The following KCTD1 variants were observed in gnomAD, a reference collection of about 807,000 sequenced individuals.
The protein encoded by KCTD1 is potassium channel tetramerization domain containing 1.
Under a neutral mutation model 66.0 loss-of-function variants are expected in KCTD1, and 24 were observed. The ratio of observed to expected loss-of-function variants is 0.36; its 90% CI spans 0.26 to 0.51. The LOEUF is 0.51. Ranked by LOEUF, KCTD1 falls within the 20% of genes least tolerant of loss-of-function variation. The pLI is 0.95. For synonymous variants in KCTD1, 511 were observed against 517.2 expected (o/e 0.99, Z 0.16); for missense variants, 943 against 1,205.2 (o/e 0.78, Z 3.22).
Position 26,455,430 on chromosome 18 carries a change from C to T in KCTD1, c.*313G>A, listed in dbSNP as rs928446916. 12 of 166,614 alleles carry T rather than the reference C, an allele frequency of 7.2e-5. No homozygotes were observed. The highest frequency in any genetic ancestry group is 1.4e-4 in the Non-Finnish European group (11 of 78,990). The allele number at this position is 166,614 out of a possible 1,614,324, so 10.3% of individuals were successfully genotyped here. On this transcript the variant is annotated 3_prime_UTR_variant, in exon 5 of 5. Coordinates refer to ENST00000580059, the MANE Select transcript of KCTD1 (RefSeq NM_001142730.3). Reference sequence around the variant, plus strand: ...CATGGCTTGTTTATTTGTCAGAGGCCTCGGAAGGCCCAGGACACTTCACGG... The same window carrying T: ...CATGGCTTGTTTATTTGTCAGAGGCTTCGGAAGGCCCAGGACACTTCACGG...
chr18:26,601,261 G>A (rs528768492), intron 1 of KCTD1, among the ~76,000 whole-genome samples: 3 of 136,240 alleles, frequency 2.2e-5, no homozygotes, highest in African/African-American at 8.1e-5. Flanking sequence ...AATATTTGGA[G>A]AGATTGTGTG....
At chr18:26,611,312 A>T (rs965516356) in intron 1 of KCTD1, among the ~76,000 whole-genome samples, 1 of 151,440 alleles carries the variant, frequency 6.6e-6, no homozygotes, top group Non-Finnish European at 1.5e-5. Flanking sequence ...GACATATGGA[A>T]TACAATTATA....
chr18:26,511,925 G>A (rs1381444795), intron 1 of KCTD1, among the ~76,000 whole-genome samples: 1 of 152,138 alleles, frequency 6.6e-6, no homozygotes, highest in Admixed American at 6.5e-5. Flanking sequence ...CAGAGAATTG[G>A]CACTTTATTC....
At chr18:26,588,278 A>AAAAG (rs980257349) in intron 1 of KCTD1, among the ~76,000 whole-genome samples, 1 of 126,288 alleles carries the variant, frequency 7.9e-6, no homozygotes, top group Non-Finnish European at 1.7e-5. Context: ...CTGTAGAAAG[A>AAAAG]AAAGAAAGAA....
At chr18:26,631,231 TC>T (rs1330595637), upstream of KCTD1, among the ~76,000 whole-genome samples, 8 of 152,232 alleles carry the variant, frequency 5.3e-5, no homozygotes, top group Non-Finnish European at 1.2e-4. Context: ...ATCATTACAT[TC>T]ATGTATCACT....
At chr18:26,508,060 G>T (rs1172528885) in intron 1 of KCTD1, among the ~76,000 whole-genome samples, 1 of 152,130 alleles carries the variant, frequency 6.6e-6, no homozygotes, top group Non-Finnish European at 1.5e-5. Flanking sequence ...AAATTTCTGT[G>T]AAATAACACT....
intron 1 of KCTD1, among the ~76,000 whole-genome samples, chr18:26,541,186 C>G (rs1984956997): frequency 6.6e-6 from 1 of 152,116 alleles, no homozygotes; most frequent in Admixed American, 6.5e-5. Context: ...CTGCAGCCCA[C>G]AGGATTAAAC....
intron 1 of KCTD1, among the ~76,000 whole-genome samples, chr18:26,622,909 T>C (rs1987418476): frequency 6.6e-6 from 1 of 152,196 alleles, no homozygotes; most frequent in South Asian, 2.1e-4. Context: ...CATACAGCAT[T>C]CTTCAGGCCA....
chr18:26,521,276 T>C (rs1380215286), intron 1 of KCTD1, among the ~76,000 whole-genome samples: 1 of 152,216 alleles, frequency 6.6e-6, no homozygotes, highest in Admixed American at 6.5e-5. Context: ...TTCTCAACCC[T>C]TGACATCACT....
intron 1 of KCTD1, among the ~76,000 whole-genome samples, chr18:26,523,710 T>C (rs1363804896): frequency 1.3e-5 from 2 of 152,262 alleles, no homozygotes; most frequent in African/African-American, 4.8e-5. Context: ...TGTGGTTTTC[T>C]GAGAATCTTA....
chr18:26,548,624 G>A (rs1349891712), upstream of KCTD1: 38 of 1,163,888 alleles, frequency 3.3e-5, no homozygotes, highest in East Asian at 1.5e-4. Flanking sequence ...ATGACCTTCA[G>A]CTACCGGGAG....
chr18:26,465,816 C>G (rs1451832878), intron 3 of KCTD1, among the ~76,000 whole-genome samples: 1 of 152,088 alleles, frequency 6.6e-6, no homozygotes, highest in African/African-American at 2.4e-5. Flanking sequence ...GAGATGGTGC[C>G]GGGGTGGGGC....
At chr18:26,456,660 A>G (rs1351816108) in intron 4 of KCTD1, 1 of 152,170 alleles carries the variant, frequency 6.6e-6, no homozygotes, top group Non-Finnish European at 1.5e-5. Context: ...TAAGCCATAG[A>G]ATCTGTTCCT....
intron 1 of KCTD1, among the ~76,000 whole-genome samples, chr18:26,527,998 T>C (rs1261123996): frequency 1.3e-5 from 2 of 152,092 alleles, no homozygotes; most frequent in East Asian, 3.9e-4. Flanking sequence ...GGCACTGCAC[T>C]TAAAATCAAT....
chr18:26,570,599 C>T (rs1244423434), intron 1 of KCTD1, among the ~76,000 whole-genome samples: 2 of 151,950 alleles, frequency 1.3e-5, no homozygotes, highest in East Asian at 1.9e-4. Context: ...TTTGTAGAGA[C>T]GAGGTTTCAC....
rs1467184946 is a variant in KCTD1 at position 26,547,097 on chromosome 18, G to A, written c.1440C>T (p.Tyr480=). 44 of 1,547,062 alleles carry A rather than the reference G, an allele frequency of 2.8e-5. No individual in the cohort carries two copies. The highest frequency in any genetic ancestry group is 3.7e-5 in the Non-Finnish European group (42 of 1,146,182). The change falls in exon 1 of 5, where the codon TAC becomes TAT. Residue 480 remains tyrosine, a synonymous_variant. Coordinates refer to ENST00000580059, the MANE Select transcript of KCTD1 (RefSeq NM_001142730.3). ...GTGCCGCCCCGTTCAGAGCCTCGGC[G>A]TAGCAGCCCTGCGGGGCGGGCGAGC... is the stretch of plus-strand genomic sequence containing the variant. ...KLGSPAPQGC[Y]AEALNGAARH... is the part of the protein sequence containing the mutation.
intron 3 of KCTD1, among the ~76,000 whole-genome samples, chr18:26,467,624 T>G (rs1047525810): frequency 3.9e-5 from 6 of 152,138 alleles, no homozygotes; most frequent in African/African-American, 1.4e-4. Flanking sequence ...AAGATCAGCC[T>G]ACCAATATGG....
Position 26,646,415 on chromosome 18 carries a change from T to C in KCTD1, c.9+10945A>G, listed in dbSNP as rs773248462. On this transcript the variant is annotated intron_variant, in intron 1 of 4. Coordinates refer to the KCTD1 transcript ENST00000580191. ...AACAGTAAAAAGCAAAGAGAGAAGATAGAGCGTATATAAACTATATCATCA... is the reference window on the plus strand; with the variant it reads ...AACAGTAAAAAGCAAAGAGAGAAGACAGAGCGTATATAAACTATATCATCA... Among the ~76,000 whole-genome samples, 77 of 152,224 alleles carry C rather than the reference T, an allele frequency of 5.1e-4. 1 individual carries two copies. The highest frequency in any genetic ancestry group is 6.0e-4 in the Non-Finnish European group (41 of 68,048).
At chr18:26,575,432 G>A (rs117596268) in intron 1 of KCTD1, 3 of 152,300 alleles carry the variant, frequency 2.0e-5, no homozygotes, top group East Asian at 3.9e-4. Flanking sequence ...ACTAGTTCAC[G>A]CCTGAGACTG....
Sources: gnomAD v4.1 joint callset for allele counts (sites outside exome capture counted in the v4.1 genomes callset) on GRCh38, gnomAD v4.1.1 for gene constraint, MANE v1.5 for transcripts, NCBI Gene and HGNC (gene_info 2026-07-23, HGNC 2026-07-21) for gene names.